Variants in CRB1 observed in about 807,000 individuals in gnomAD.
CRB1 encodes protein crumbs homolog 1.
CRB1 carries 83 observed loss-of-function variants against 120.0 expected under a neutral mutation model. That is an observed-to-expected ratio of 0.69 (90% CI 0.58 to 0.83). The LOEUF (loss-of-function observed/expected upper bound fraction) is 0.83, where lower values mean the gene tolerates loss of function less well. CRB1 is among the 40% of genes least tolerant of loss of function. The probability of loss-of-function intolerance (pLI) is 0.00; values close to 1 mark genes in which losing one functional copy is unlikely to be tolerated. For missense variants in CRB1, 1,699 were observed against 1,687.6 expected, an observed-to-expected ratio of 1.01 and a Z score of -0.12; for synonymous variants, 625 against 612.5, an observed-to-expected ratio of 1.02 and a Z score of -0.30.
intron 1 of CRB1, among the ~76,000 whole-genome samples, chr1:197,284,497 A>G (rs1321151320): frequency 6.6e-6 from 1 of 151,908 alleles, no homozygotes; most frequent in East Asian, 1.9e-4. Context: ...GCTCCATTTC[A>G]TTAGTTCCCA....
chr1:197,295,792 G>A (rs149600333), intron 1 of CRB1, among the ~76,000 whole-genome samples: 407 of 152,008 alleles, frequency 2.7e-3, no homozygotes, highest in Non-Finnish European at 3.5e-3. Flanking sequence ...TATGGCTGAG[G>A]ATCTAATCTT....
At chr1:197,255,294 C>T in the CRB1 span, among the ~76,000 whole-genome samples, 7 of 152,016 alleles carry the variant, frequency 4.6e-5, no homozygotes, top group Non-Finnish European at 7.4e-5. Context: ...ATGGTATTTT[C>T]CTTATGAAAT....
chr1:197,347,488 C>CA lies in CRB1; in HGVS notation c.988+13dup, dbSNP rs1659846501. ...TTGTCACTGCTGGCCTGGTGAGTGA[C>CA]AAAATACCTTCCACCAATTATTTTT... is the stretch of plus-strand genomic sequence containing the variant. On this transcript the variant is annotated intron_variant, in intron 4 of 11. Coordinates refer to ENST00000367400, the MANE Select transcript of CRB1 (RefSeq NM_201253.3). The CA allele has an allele frequency of 1.2e-6, 2 of 1,613,638 alleles. No homozygotes were observed. Among genetic ancestry groups the CA allele is most frequent in the Non-Finnish European group, 1.7e-6 (2 of 1,179,546 alleles).
chr1:197,388,462 C>T (rs2125410854), intron 5 of CRB1, among the ~76,000 whole-genome samples: 1 of 152,176 alleles, frequency 6.6e-6, no homozygotes, highest in East Asian at 1.9e-4. Flanking sequence ...TCTCTCTTCC[C>T]TATTCATCAA....
the CRB1 span, among the ~76,000 whole-genome samples, chr1:197,253,744 A>G: frequency 2.0e-4 from 31 of 152,172 alleles, no homozygotes; most frequent in African/African-American, 7.5e-4. Flanking sequence ...TTTCTCTAAA[A>G]TTTCTTTGTT....
At chr1:197,339,256 T>C (rs1368226879) in intron 2 of CRB1, among the ~76,000 whole-genome samples, 1 of 152,198 alleles carries the variant, frequency 6.6e-6, no homozygotes, top group Non-Finnish European at 1.5e-5. Context: ...AGCCTCTCCT[T>C]ATTGCTTTAG....
intron 11 of CRB1, among the ~76,000 whole-genome samples, chr1:197,460,972 C>T (rs912751511): frequency 6.6e-5 from 10 of 152,130 alleles, no homozygotes; most frequent in African/African-American, 2.4e-4. Flanking sequence ...AAATTTTGCT[C>T]TACGGCCCTA....
At chr1:197,310,720 T>G (rs1657465641) in intron 1 of CRB1, among the ~76,000 whole-genome samples, 1 of 152,178 alleles carries the variant, frequency 6.6e-6, no homozygotes, top group African/African-American at 2.4e-5. Flanking sequence ...TTCTATCTGG[T>G]TCACCTGATA....
intron 5 of CRB1, among the ~76,000 whole-genome samples, chr1:197,386,406 A>T (rs150341343): frequency 0.011 from 1,603 of 152,218 alleles, 12 homozygotes; most frequent in Non-Finnish European, 0.017. Context: ...ACTTGTGAGG[A>T]CCCAGTTACC....
At chr1:197,338,567 CAAG>C (rs997413377) in intron 2 of CRB1, among the ~76,000 whole-genome samples, 1 of 151,986 alleles carries the variant, frequency 6.6e-6, no homozygotes, top group African/African-American at 2.4e-5. Flanking sequence ...TTGAAACTGT[CAAG>C]AACATTCTTA....
At chr1:197,250,854 T>C in the CRB1 span, among the ~76,000 whole-genome samples, 3 of 152,152 alleles carry the variant, frequency 2.0e-5, no homozygotes, top group East Asian at 5.8e-4. Context: ...TTGTATGGTA[T>C]GGTTTTTCTT....
At chr1:197,338,879 G>T (rs1356082737) in intron 2 of CRB1, among the ~76,000 whole-genome samples, 1 of 152,052 alleles carries the variant, frequency 6.6e-6, no homozygotes, top group Non-Finnish European at 1.5e-5. Context: ...CATTAAGAAA[G>T]AAAAATTATT....
intron 5 of CRB1, among the ~76,000 whole-genome samples, chr1:197,383,603 C>A (rs1412733333): frequency 6.6e-6 from 1 of 152,164 alleles, no homozygotes; most frequent in Non-Finnish European, 1.5e-5. Context: ...TTTTGACAAC[C>A]TGATATGCAG....
the CRB1 span, among the ~76,000 whole-genome samples, chr1:197,203,832 G>A: frequency 6.6e-6 from 1 of 152,154 alleles, no homozygotes; most frequent in Non-Finnish European, 1.5e-5. Context: ...AGGGGAACAG[G>A]TGGTATTTGG....
intron 2 of CRB1, among the ~76,000 whole-genome samples, chr1:197,342,206 G>T (rs1424705343): frequency 6.6e-6 from 1 of 152,148 alleles, no homozygotes; most frequent in Admixed American, 6.5e-5. Context: ...ATTCAAACCT[G>T]CTTTACAACA....
rs139929398 is a variant in CRB1 at position 197,280,906 on chromosome 1, G to A, written c.70+12424G>A. ...ATAAAGTACATTGGTCAGTGAGATT[G>A]TATGTATGACATCGGATTAAAAAAT... On this transcript the variant is annotated intron_variant, in intron 1 of 11. Coordinates refer to ENST00000367400, the MANE Select transcript of CRB1 (RefSeq NM_201253.3). 3.3e-3 allele frequency among the ~76,000 whole-genome samples: 508 copies of A among 151,922 alleles called. 2 individuals are homozygous for A. Among genetic ancestry groups the A allele is most frequent in the African/African-American group, 0.012 (495 of 41,494 alleles).
intron 1 of CRB1, among the ~76,000 whole-genome samples, chr1:197,285,479 C>T (rs1655775976): frequency 6.6e-6 from 1 of 151,898 alleles, no homozygotes; most frequent in South Asian, 2.1e-4. Context: ...AGTGTTACTA[C>T]TTATAAAGCC....
intron 5 of CRB1, among the ~76,000 whole-genome samples, chr1:197,362,830 A>G (rs1205993244): frequency 1.3e-5 from 2 of 152,040 alleles, no homozygotes; most frequent in African/African-American, 4.8e-5. Context: ...TTTTTAATTC[A>G]TCTTGCCAAT....
chr1:197,458,325 C>T (rs1666374059), intron 11 of CRB1, among the ~76,000 whole-genome samples: 1 of 151,914 alleles, frequency 6.6e-6, no homozygotes, highest in Non-Finnish European at 1.5e-5. Flanking sequence ...TCTGCATTTG[C>T]CCCAAAAGTG....
Sources: gnomAD v4.1 joint callset for allele counts (sites outside exome capture counted in the v4.1 genomes callset) on GRCh38, gnomAD v4.1.1 for gene constraint, MANE v1.5 for transcripts, NCBI Gene and HGNC (gene_info 2026-07-23, HGNC 2026-07-21) for gene names.